Variants in SAMD12 observed in about 807,000 individuals in gnomAD.
SAMD12 encodes sterile alpha motif domain-containing protein 12.
Under a neutral mutation model 15.0 loss-of-function variants are expected in SAMD12, and 9 were observed. The ratio of observed to expected loss-of-function variants is 0.60; its 90% CI spans 0.36 to 1.05. SAMD12 has a LOEUF of 1.05. Among genes scored for constraint, SAMD12 ranks in the 50% least tolerant of loss-of-function variants. The probability of loss-of-function intolerance (pLI) is 0.01; values close to 1 mark genes in which losing one functional copy is unlikely to be tolerated. For synonymous variants in SAMD12, 86 were observed against 90.1 expected (o/e 0.96, Z 0.25); for missense variants, 230 against 234.2 (o/e 0.98, Z 0.12).
chr8:118,339,992 G>T lies in SAMD12; in HGVS notation c.433+39568C>A, dbSNP rs139830523. Among the ~76,000 whole-genome samples the T allele has an allele frequency of 9.2e-5, 14 of 152,338 alleles. 1 individual carries two copies. Among genetic ancestry groups the T allele is most frequent in the Middle Eastern group, 6.8e-3 (2 of 294 alleles). ...AGACTGTGAGCTCCTCAAGGGCAGG[G>T]ATCGTGTCTCATTTGTCTTTGTACC... is the stretch of plus-strand genomic sequence containing the variant. On this transcript the variant is annotated intron_variant, in intron 4 of 4. Coordinates refer to the SAMD12 transcript ENST00000409003.
the SAMD12 span, among the ~76,000 whole-genome samples, chr8:118,142,671 C>T: frequency 6.6e-6 from 1 of 152,224 alleles, no homozygotes; most frequent in African/African-American, 2.4e-5. Context: ...TCACAATATG[C>T]TGCTGACATG....
chr8:118,325,710 A>G (rs67252252), intron 4 of SAMD12, among the ~76,000 whole-genome samples: 27,255 of 152,084 alleles, frequency 0.18, 3,164 homozygotes, highest in African/African-American at 0.33. Flanking sequence ...TTTGACCAAC[A>G]TCTCCTCACT....
intron 2 of SAMD12, among the ~76,000 whole-genome samples, chr8:118,500,878 T>C (rs1362689748): frequency 6.6e-6 from 1 of 152,202 alleles, no homozygotes; most frequent in Non-Finnish European, 1.5e-5. Context: ...TTTATATGTA[T>C]TTAGTTCTTG....
At chr8:118,164,325 T>A in the SAMD12 span, among the ~76,000 whole-genome samples, 1 of 152,162 alleles carries the variant, frequency 6.6e-6, no homozygotes, top group South Asian at 2.1e-4. Flanking sequence ...ATTTTGAAGG[T>A]CATACCAGGC....
chr8:118,379,126 G>A lies in SAMD12; in HGVS notation c.*291C>T, dbSNP rs558947799. ...AACTCCACTTATATCACTGGTCATC[G>A]TAACTATTGAATCACTCAAATGCTA... On this transcript the variant is annotated 3_prime_UTR_variant, in exon 4 of 4. Coordinates refer to ENST00000314727, the MANE Select transcript of SAMD12 (RefSeq NM_207506.3). The A allele has an allele frequency of 3.5e-5, 40 of 1,127,016 alleles. No individual in the cohort carries two copies. In the Admixed American group the frequency reaches 7.4e-4, roughly 21 times the overall value. 69.8% of individuals were successfully genotyped at this position (1,127,016 alleles called of 1,614,324 possible). A position where few individuals can be genotyped will look rare whatever the true frequency, so the allele number is the denominator to read the frequency against.
At chr8:118,458,789 C>T (rs1468807354) in intron 2 of SAMD12, among the ~76,000 whole-genome samples, 1 of 152,094 alleles carries the variant, frequency 6.6e-6, no homozygotes, top group Non-Finnish European at 1.5e-5. Flanking sequence ...GTATTTTAGG[C>T]CATAATTTGT....
intron 4 of SAMD12, among the ~76,000 whole-genome samples, chr8:118,254,560 C>A (rs2630118): frequency 6.6e-6 from 1 of 152,076 alleles, no homozygotes; most frequent in Non-Finnish European, 1.5e-5. Flanking sequence ...TTCCTTCTGT[C>A]CTGGGGCCTC....
At chr8:118,483,826 T>C (rs1824198922) in intron 2 of SAMD12, among the ~76,000 whole-genome samples, 1 of 152,146 alleles carries the variant, frequency 6.6e-6, no homozygotes, top group African/African-American at 2.4e-5. Flanking sequence ...TTACCCCCAT[T>C]TCGTTGACAA....
At chr8:118,242,026 C>A (rs541563746) in intron 4 of SAMD12, among the ~76,000 whole-genome samples, 3 of 152,140 alleles carry the variant, frequency 2.0e-5, no homozygotes, top group Non-Finnish European at 4.4e-5. Flanking sequence ...TATCCTCCCA[C>A]CTCAGCCTCC....
chr8:118,603,709 A>G (rs1178330292), intron 1 of SAMD12, among the ~76,000 whole-genome samples: 2 of 152,214 alleles, frequency 1.3e-5, no homozygotes, highest in African/African-American at 4.8e-5. Context: ...CCCACGGACG[A>G]TGGTGAAAGC....
chr8:118,184,188 G>A, the SAMD12 span, among the ~76,000 whole-genome samples: 18 of 152,110 alleles, frequency 1.2e-4, no homozygotes, highest in East Asian at 1.7e-3. Flanking sequence ...ATATAAAACC[G>A]TTAAAAAAGG....
intron 4 of SAMD12, among the ~76,000 whole-genome samples, chr8:118,202,967 G>T (rs1042156294): frequency 6.6e-5 from 10 of 152,144 alleles, no homozygotes; most frequent in African/African-American, 2.4e-4. Context: ...AATCTGTACT[G>T]CCATTTTTGA....
At chr8:118,575,708 C>T (rs986573911) in intron 2 of SAMD12, among the ~76,000 whole-genome samples, 1 of 152,132 alleles carries the variant, frequency 6.6e-6, no homozygotes, top group Non-Finnish European at 1.5e-5. Context: ...CAGGAAAAAA[C>T]AAAGGATTAT....
intron 2 of SAMD12, among the ~76,000 whole-genome samples, chr8:118,559,185 A>G (rs1307403059): frequency 6.6e-6 from 1 of 152,174 alleles, no homozygotes; most frequent in Non-Finnish European, 1.5e-5. Flanking sequence ...AGGTACATGA[A>G]CTCAAGTTTT....
At position 118,321,144 on chromosome 8, in the gene SAMD12, A is replaced by AATAAATAAATATATAT. The variant is rs57107358; in HGVS notation, c.433+58415_433+58416insATATATATTTATTTAT. 4.1e-4 allele frequency among the ~76,000 whole-genome samples: 39 copies of AATAAATAAATATATAT among 94,470 alleles called. 1 individual carries two copies. The highest frequency in any genetic ancestry group is 1.4e-3 in the African/African-American group (35 of 24,656). The allele number at this position is 94,470 out of a possible 152,430, so 62.0% of individuals were successfully genotyped here. A position where few individuals can be genotyped will look rare whatever the true frequency, so the allele number is the denominator to read the frequency against. ...TATAACATATATATCATAGATAATA[A>AATAAATAAATATATAT]ATATATATATATATATATATATATA... On this transcript the variant is annotated intron_variant, in intron 4 of 4. Coordinates refer to the SAMD12 transcript ENST00000409003.
At chr8:118,216,052 A>C (rs1450406982) in intron 4 of SAMD12, among the ~76,000 whole-genome samples, 1 of 151,874 alleles carries the variant, frequency 6.6e-6, no homozygotes, top group Non-Finnish European at 1.5e-5. Context: ...TGACTTCCAC[A>C]ATGGTTGAAC....
intron 2 of SAMD12, among the ~76,000 whole-genome samples, chr8:118,531,740 G>A (rs900502095): frequency 2.4e-4 from 37 of 152,120 alleles, no homozygotes; most frequent in Non-Finnish European, 4.7e-4. Context: ...TCTGTTATTG[G>A]TGTATAAGAA....
intron 2 of SAMD12, among the ~76,000 whole-genome samples, chr8:118,580,072 T>C (rs914330931): frequency 2.0e-5 from 3 of 152,202 alleles, no homozygotes; most frequent in Non-Finnish European, 2.9e-5. Flanking sequence ...CTAAGCATAC[T>C]ACAGCAGAAT....
At chr8:118,225,295 G>A (rs562948440) in intron 4 of SAMD12, among the ~76,000 whole-genome samples, 1 of 152,000 alleles carries the variant, frequency 6.6e-6, no homozygotes, top group African/African-American at 2.4e-5. Flanking sequence ...TGCTATGTAG[G>A]CACAGGTGTA....
Sources: allele counts gnomAD v4.1 joint callset (sites outside exome capture counted in the v4.1 genomes callset), GRCh38; gene constraint gnomAD v4.1.1; transcripts MANE v1.5; gene names NCBI Gene and HGNC (gene_info 2026-07-23, HGNC 2026-07-21).